Variants in WNT7B observed in about 807,000 individuals in gnomAD.
WNT7B encodes Wnt family member 7B.
A neutral mutation model predicts 38.2 loss-of-function variants in WNT7B; 19 were observed. That is an observed-to-expected ratio of 0.50 (90% confidence interval 0.35 to 0.73). The LOEUF (loss-of-function observed/expected upper bound fraction) is 0.73. WNT7B is among the 30% of genes least tolerant of loss of function. WNT7B has a pLI of 0.01. For synonymous variants in WNT7B, 243 were observed against 209.3 expected (o/e 1.16, Z -1.39); for missense variants, 423 against 507.9 (o/e 0.83, Z 1.61).
chr22:45,943,079 A>G (rs1931703256), intron 2 of WNT7B, among the ~76,000 whole-genome samples: 1 of 150,880 alleles, frequency 6.6e-6, no homozygotes, highest in South Asian at 2.1e-4. Flanking sequence ...ACATGTGTGC[A>G]CGTGTGTGCG....
intron 3 of WNT7B, chr22:45,926,705 A>T: frequency 1.2e-5 from 12 of 981,942 alleles, no homozygotes; most frequent in Non-Finnish European, 1.4e-5. Flanking sequence ...CCCCTAAGTA[A>T]GTGTGGCCCT....
At chr22:45,939,634 C>CACACACACAT (rs1931594856) in intron 2 of WNT7B, among the ~76,000 whole-genome samples, 1 of 145,152 alleles carries the variant, frequency 6.9e-6, no homozygotes, top group Non-Finnish European at 1.5e-5. Flanking sequence ...TCTCTACAAA[C>CACACACACAT]ACACACACAC....
In WNT7B at chr22:45,922,614, C is replaced by T. The variant is rs553460765; in HGVS notation, c.*242G>A. ...GAGCACCAAGACCCCTGGCCTTGCT[C>T]TCTGGGTGGGTCACGGGTGCTGTTC... On this transcript the variant is annotated 3_prime_UTR_variant, in exon 4 of 4. Transcript: ENST00000339464. 3.6e-5 allele frequency: 22 copies of T among 605,478 alleles called. No individual in the cohort carries two copies. The East Asian group carries it at 5.2e-4, about 14-fold the overall frequency. The allele number at this position is 605,478 out of a possible 1,614,324, so 37.5% of individuals were successfully genotyped here. A position where few individuals can be genotyped will look rare whatever the true frequency, so the allele number is the denominator to read the frequency against.
At chr22:45,944,042 C>T (rs893805163) in intron 2 of WNT7B, among the ~76,000 whole-genome samples, 2 of 152,174 alleles carry the variant, frequency 1.3e-5, no homozygotes, top group South Asian at 2.1e-4. Flanking sequence ...TCCCAGCCCC[C>T]ACCTCGGCCC....
At position 45,923,111 on chromosome 22, in the gene WNT7B, C is replaced by G; in HGVS notation, c.795G>C (p.Glu265Asp). The G allele has an allele frequency of 6.2e-7, 1 of 1,613,710 alleles. No homozygotes were observed. The highest frequency in any genetic ancestry group is 8.5e-7 in the Non-Finnish European group (1 of 1,180,022). Residue 265 changes from glutamate to aspartate, a missense_variant, in exon 4 of 4, where the codon GAG becomes GAC. By Grantham distance (45) the Glu-to-Asp change is conservative (BLOSUM62 2). Transcript: ENST00000339464. ...KQLRSYQKPM[E>D]TDLVYIEKSP... ...ACTTCTCAATGTACACCAGGTCTGT[C>G]TCCATGGGCTTCTGATAGCTGCGCA...
At position 45,922,745 on chromosome 22, in the gene WNT7B, C is replaced by A; in HGVS notation, c.*111G>T. 1 of 1,492,534 alleles carries A rather than the reference C, an allele frequency of 6.7e-7. No individual in the cohort carries two copies. Among genetic ancestry groups the A allele is most frequent in the East Asian group, 2.3e-5 (1 of 43,398 alleles). 92.5% of individuals were successfully genotyped at this position (1,492,534 alleles called of 1,614,324 possible). On this transcript the variant is annotated 3_prime_UTR_variant, in exon 4 of 4. Coordinates refer to ENST00000339464, the MANE Select transcript of WNT7B (RefSeq NM_058238.3). ...CTCCTGCACCTGGAGCTCCCCGCTT[C>A]TGCACCCGTCTATGTCTGCTGCTGG... is the stretch of plus-strand genomic sequence containing the variant.
chr22:45,939,141 CT>C (rs1487886375), intron 2 of WNT7B, among the ~76,000 whole-genome samples: 2 of 152,306 alleles, frequency 1.3e-5, no homozygotes, highest in Admixed American at 6.5e-5. Context: ...ATGGGGACCC[CT>C]GTATGCTGGT....
intron 3 of WNT7B, chr22:45,925,401 G>A (rs1339174418): frequency 1.0e-6 from 1 of 985,240 alleles, no homozygotes. Context: ...GGAGGCTGAT[G>A]TCCCTCCCAG....
intron 1 of WNT7B, among the ~76,000 whole-genome samples, chr22:45,960,203 C>T (rs1932164576): frequency 6.6e-6 from 1 of 152,208 alleles, no homozygotes; most frequent in Non-Finnish European, 1.5e-5. Context: ...AGACCTGCCC[C>T]CTCAGCCCTC....
At chr22:45,972,126 C>T in intron 1 of WNT7B, 2 of 569,296 alleles carry the variant, frequency 3.5e-6, no homozygotes, top group South Asian at 1.9e-5. Flanking sequence ...GCCCACCCGC[C>T]CACCCCGCAC....
At chr22:45,963,984 C>T (rs890703527) in intron 1 of WNT7B, among the ~76,000 whole-genome samples, 1 of 152,204 alleles carries the variant, frequency 6.6e-6, no homozygotes, top group East Asian at 1.9e-4. Context: ...GCCCCCAGGC[C>T]ACAAGCTGGG....
intron 3 of WNT7B, among the ~76,000 whole-genome samples, chr22:45,929,505 C>CACCA: frequency 7.3e-6 from 1 of 137,770 alleles, no homozygotes; most frequent in East Asian, 2.2e-4. Flanking sequence ...CCCACCCACC[C>CACCA]ACCAATACTT....
At chr22:45,927,613 G>A (rs1340747021) in intron 3 of WNT7B, 4 of 886,674 alleles carry the variant, frequency 4.5e-6, no homozygotes, top group Non-Finnish European at 7.4e-6. Context: ...AGATGGAACA[G>A]GGCCAGGTGC....
At chr22:45,929,755 T>G (rs373624686) in intron 3 of WNT7B, among the ~76,000 whole-genome samples, 2 of 148,796 alleles carry the variant, frequency 1.3e-5, no homozygotes, top group African/African-American at 5.1e-5. Context: ...CATCCTTTCA[T>G]TCATCTGTCT....
chr22:45,959,160 C>G (rs575503534), intron 1 of WNT7B, among the ~76,000 whole-genome samples: 33 of 152,306 alleles, frequency 2.2e-4, no homozygotes, highest in South Asian at 1.9e-3. Flanking sequence ...GACACTCTTC[C>G]CCGACAGAGG....
chr22:45,928,858 G>GCATACCACGA lies in WNT7B; in HGVS notation c.570+2230_570+2239dup, dbSNP rs953066281. Among the ~76,000 whole-genome samples the GCATACCACGA allele has an allele frequency of 5.5e-5, 5 of 90,512 alleles. No homozygotes were observed. In the East Asian group the frequency reaches 1.3e-3, roughly 23 times the overall value. 59.4% of individuals were successfully genotyped at this position (90,512 alleles called of 152,430 possible). A position where few individuals can be genotyped will look rare whatever the true frequency, so the allele number is the denominator to read the frequency against. On this transcript the variant is annotated intron_variant, in intron 3 of 3. Transcript: ENST00000339464. ...ATCCTGGCCCTGGTTTCCCCATACCGCATACCACGACATACCACGACCTTG... is the reference window on the plus strand; with the variant it reads ...ATCCTGGCCCTGGTTTCCCCATACCGCATACCACGACATACCACGACATACCACGACCTTG...
intron 1 of WNT7B, chr22:45,972,393 G>A: frequency 3.3e-6 from 1 of 301,110 alleles, no homozygotes; most frequent in South Asian, 1.6e-4. Context: ...TGTCGCCCGT[G>A]CCCCGCCGCT....
intron 3 of WNT7B, among the ~76,000 whole-genome samples, chr22:45,928,236 CTG>C (rs138591526): frequency 2.0e-3 from 305 of 152,298 alleles, no homozygotes; most frequent in South Asian, 3.9e-3. Flanking sequence ...GCCTGGTACT[CTG>C]TGATGGGGCT....
intron 2 of WNT7B, among the ~76,000 whole-genome samples, chr22:45,934,871 G>A (rs1931473536): frequency 6.6e-6 from 1 of 152,224 alleles, no homozygotes. Flanking sequence ...TCATAGTTTT[G>A]GCACAATCAG....
Sources: gnomAD v4.1 joint callset for allele counts (sites outside exome capture counted in the v4.1 genomes callset) on GRCh38, gnomAD v4.1.1 for gene constraint, MANE v1.5 for transcripts, NCBI Gene and HGNC (gene_info 2026-07-23, HGNC 2026-07-21) for gene names.